NOS1AP: variants seen among roughly 807,000 people sequenced by gnomAD.
The protein encoded by NOS1AP is nitric oxide synthase 1 adaptor protein, also known as carboxyl-terminal PDZ ligand of neuronal nitric oxide synthase protein.
A neutral mutation model predicts 56.2 loss-of-function variants in NOS1AP; 21 were observed. That is an observed-to-expected ratio of 0.37 (90% CI 0.26 to 0.54). NOS1AP has a LOEUF of 0.54. NOS1AP is among the 20% of genes least tolerant of loss of function. The pLI is 0.84. For missense variants in NOS1AP, 522 were observed against 657.8 expected, an observed-to-expected ratio of 0.79 and a Z score of 2.26; for synonymous variants, 270 against 274.6, an observed-to-expected ratio of 0.98 and a Z score of 0.17.
At chr1:162,126,882 TA>T (rs1373960187) in intron 1 of NOS1AP, among the ~76,000 whole-genome samples, 8 of 152,224 alleles carry the variant, frequency 5.3e-5, no homozygotes, top group African/African-American at 1.9e-4. Context: ...CTTCTCTCCA[TA>T]AAGAATATAC....
At chr1:162,259,790 C>G (rs1314326581) in intron 2 of NOS1AP, among the ~76,000 whole-genome samples, 2 of 152,244 alleles carry the variant, frequency 1.3e-5, no homozygotes, top group South Asian at 4.1e-4. Flanking sequence ...TAATTTTAAT[C>G]TGGCTTACAT....
chr1:162,275,564 G>C (rs1317526602), intron 2 of NOS1AP, among the ~76,000 whole-genome samples: 7 of 152,144 alleles, frequency 4.6e-5, no homozygotes, highest in African/African-American at 7.2e-5. Flanking sequence ...ACTCTCAGTA[G>C]TTCATTCTCT....
At chr1:162,266,526 C>T (rs1654429939) in intron 2 of NOS1AP, among the ~76,000 whole-genome samples, 1 of 152,178 alleles carries the variant, frequency 6.6e-6, no homozygotes, top group South Asian at 2.1e-4. Flanking sequence ...TATGTCAACA[C>T]ATGATATTAG....
intron 1 of NOS1AP, among the ~76,000 whole-genome samples, chr1:162,085,545 C>A (rs1691984198): frequency 6.6e-6 from 1 of 152,148 alleles, no homozygotes; most frequent in South Asian, 2.1e-4. Flanking sequence ...TCACTAATAT[C>A]CACTTTCCTC....
chr1:162,095,614 A>T (rs1298447280), intron 1 of NOS1AP, among the ~76,000 whole-genome samples: 1 of 152,210 alleles, frequency 6.6e-6, no homozygotes, highest in Non-Finnish European at 1.5e-5. Context: ...CCTGTGTATT[A>T]AGTTCTGTAG....
At chr1:162,270,157 A>T (rs1654540612) in intron 2 of NOS1AP, among the ~76,000 whole-genome samples, 1 of 152,202 alleles carries the variant, frequency 6.6e-6, no homozygotes, top group Non-Finnish European at 1.5e-5. Flanking sequence ...TAGTGTTTAT[A>T]AGCCTGGTAT....
At chr1:162,258,160 C>T (rs1654093658) in intron 2 of NOS1AP, among the ~76,000 whole-genome samples, 2 of 152,156 alleles carry the variant, frequency 1.3e-5, no homozygotes, top group South Asian at 2.1e-4. Context: ...TCACATTCCC[C>T]TCCTACCTAG....
At chr1:162,313,113 T>C (rs922263301) in intron 4 of NOS1AP, among the ~76,000 whole-genome samples, 12 of 152,176 alleles carry the variant, frequency 7.9e-5, no homozygotes, top group Non-Finnish European at 1.6e-4. Context: ...TCACCCTTTC[T>C]TTTCAAAAGT....
At chr1:162,084,486 G>A (rs1020480001) in intron 1 of NOS1AP, among the ~76,000 whole-genome samples, 2 of 152,130 alleles carry the variant, frequency 1.3e-5, no homozygotes, top group Non-Finnish European at 2.9e-5. Flanking sequence ...TCTCCACTTG[G>A]TCTCCTCTGA....
At chr1:162,309,094 G>T (rs1655936795) in intron 4 of NOS1AP, among the ~76,000 whole-genome samples, 1 of 152,160 alleles carries the variant, frequency 6.6e-6, no homozygotes, top group Admixed American at 6.5e-5. Context: ...TAAAAATACA[G>T]GACAAACTAC....
intron 1 of NOS1AP, among the ~76,000 whole-genome samples, chr1:162,080,126 G>T (rs1017937700): frequency 3.0e-4 from 46 of 152,162 alleles, no homozygotes; most frequent in African/African-American, 1.1e-3. Flanking sequence ...CTTCTATCAT[G>T]GGATTAATTA....
chr1:162,365,015 G>A (rs1386318160), intron 8 of NOS1AP: 22 of 1,085,460 alleles, frequency 2.0e-5, no homozygotes, highest in African/African-American at 1.7e-4. Flanking sequence ...GGCATGCCAT[G>A]CTAGGTGCTG....
In NOS1AP at chr1:162,365,525, A is replaced by G. The variant is rs1658058533; in HGVS notation, c.1061A>G (p.Lys354Arg). ...DMLQHISLLVKQVQELELKLS... is the reference protein window; with the variant it reads ...DMLQHISLLVRQVQELELKLS... ...CTCCAGCACATCTCCCTGCTGGTCA[A>G]GCAGGTGCAAGAGCTGGAACTGAAG... The change falls in exon 9 of 10, where the codon AAG (lysine) becomes AGG (arginine). Residue 354 changes from lysine to arginine, a missense_variant. Around this residue, in one of 4 missense-constraint regions of NOS1AP, gnomAD observed 52 missense variants for 94.5 expected, o/e 0.55. Coordinates refer to ENST00000361897, the MANE Select transcript of NOS1AP (RefSeq NM_014697.3). 6.2e-7 allele frequency: 1 copy of G among 1,613,498 alleles called. No individual in the cohort carries two copies. The highest frequency in any genetic ancestry group is 8.5e-7 in the Non-Finnish European group (1 of 1,180,046).
At chr1:162,292,013 A>G (rs1234406530) in intron 3 of NOS1AP, among the ~76,000 whole-genome samples, 1 of 152,248 alleles carries the variant, frequency 6.6e-6, no homozygotes, top group Non-Finnish European at 1.5e-5. Flanking sequence ...TCAGTTTTAT[A>G]TAGTTTCTCT....
chr1:162,145,508 C>T (rs942723644), intron 1 of NOS1AP, among the ~76,000 whole-genome samples: 4 of 152,140 alleles, frequency 2.6e-5, no homozygotes, highest in Admixed American at 1.3e-4. Context: ...AATCTGGGGC[C>T]GCTCCTGCTG....
At chr1:162,322,645 A>G (rs773314330) in intron 4 of NOS1AP, among the ~76,000 whole-genome samples, 11 of 152,218 alleles carry the variant, frequency 7.2e-5, no homozygotes, top group East Asian at 1.9e-4. Context: ...AAAGTGGACA[A>G]TCAGTCAGGG....
intron 2 of NOS1AP, among the ~76,000 whole-genome samples, chr1:162,191,123 G>A (rs1651624297): frequency 6.6e-6 from 1 of 152,154 alleles, no homozygotes. Context: ...ACACCCCATG[G>A]CTAGACTTGC....
At chr1:162,162,124 TCTGC>T (rs1324471135) in intron 2 of NOS1AP, among the ~76,000 whole-genome samples, 1 of 152,254 alleles carries the variant, frequency 6.6e-6, no homozygotes, top group Non-Finnish European at 1.5e-5. Context: ...AGGGCCGTTG[TCTGC>T]CTGAGCACTG....
chr1:162,141,279 A>AGCAGCTAGAAAGTGGT lies in NOS1AP; in HGVS notation c.106-13119_106-13104dup, dbSNP rs539590506. Among the ~76,000 whole-genome samples the AGCAGCTAGAAAGTGGT allele has an allele frequency of 5.4e-3, 829 of 152,350 alleles. 9 individuals carry two copies. The highest frequency in any genetic ancestry group is 5.5e-3 in the Non-Finnish European group (372 of 68,042). On this transcript the variant is annotated intron_variant, in intron 1 of 9. Coordinates refer to ENST00000361897, the MANE Select transcript of NOS1AP (RefSeq NM_014697.3). ...TTGACCAGATGGCTCAAATTCATAGAGCAGCTAGAAAGTGGTGCAGCTGGA... is the reference window on the plus strand; with the variant it reads ...TTGACCAGATGGCTCAAATTCATAGAGCAGCTAGAAAGTGGTGCAGCTAGAAAGTGGTGCAGCTGGA...
Sources: gnomAD v4.1 joint callset for allele counts (sites outside exome capture counted in the v4.1 genomes callset) on GRCh38, gnomAD v4.1.1 for gene constraint, gnomAD v4.1.1 regional missense constraint, MANE v1.5 for transcripts, NCBI Gene and HGNC (gene_info 2026-07-23, HGNC 2026-07-21) for gene names.